Variants in MYRFL observed in about 807,000 individuals in gnomAD.
MYRFL encodes myelin regulatory factor-like protein.
A neutral mutation model predicts 109.4 loss-of-function variants in MYRFL; 88 were observed. The ratio of observed to expected loss-of-function variants is 0.80; its 90% CI spans 0.68 to 0.96. The LOEUF (loss-of-function observed/expected upper bound fraction) is 0.96. Among genes scored for constraint, MYRFL ranks in the 40% least tolerant of loss-of-function variants. MYRFL has a pLI of 0.00. For synonymous variants in MYRFL, 324 were observed against 320.9 expected (o/e 1.01, Z -0.10); for missense variants, 957 against 954.9 (o/e 1.00, Z -0.03).
At chr12:69,887,011 CAG>C in intron 6 of MYRFL, 41 bp downstream of exon 6, 1 of 1,530,652 alleles carries the variant, frequency 6.5e-7, no homozygotes. Context: ...GGGAGAAAGA[CAG>C]TGCTAAATCT....
chr12:69,840,282 G>C (rs1260412694), intron 1 of MYRFL, among the ~76,000 whole-genome samples: 2 of 152,170 alleles, frequency 1.3e-5, no homozygotes, highest in African/African-American at 2.4e-5. Context: ...TATTGAGAAG[G>C]ATGCGAGCAG....
At chr12:69,945,652 C>CA (rs1431545007) in intron 19 of MYRFL, among the ~76,000 whole-genome samples, 1 of 152,088 alleles carries the variant, frequency 6.6e-6, no homozygotes, top group Non-Finnish European at 1.5e-5. Flanking sequence ...TAAACCAGAT[C>CA]AAGGCTCGTT....
intron 17 of MYRFL, 45 bp from the exon 18 acceptor site, chr12:69,936,237 AT>A: frequency 6.5e-7 from 1 of 1,535,546 alleles, no homozygotes; most frequent in Non-Finnish European, 8.7e-7. Flanking sequence ...GGAGAGAAGG[AT>A]TTTTGCAGCC....
At chr12:69,935,388 A>AGAT (rs1955415445) in intron 16 of MYRFL, among the ~76,000 whole-genome samples, 1 of 151,862 alleles carries the variant, frequency 6.6e-6, no homozygotes, top group Admixed American at 6.5e-5. Flanking sequence ...AGGGTTCTGA[A>AGAT]GATGTCCCCC....
chr12:69,870,178 G>A (rs1314821807), intron 2 of MYRFL, among the ~76,000 whole-genome samples: 2 of 132,260 alleles, frequency 1.5e-5, no homozygotes, highest in East Asian at 2.2e-4. Context: ...TTGAGATCTC[G>A]GCTCACTGCA....
intron 11 of MYRFL, 151 bp from the exon 12 acceptor site, chr12:69,909,818 T>C (rs1954495707): frequency 3.2e-6 from 2 of 620,554 alleles, no homozygotes; most frequent in Non-Finnish European, 5.4e-6. Flanking sequence ...GGGCCAGCAG[T>C]TGGGTAATCC....
intron 2 of MYRFL, among the ~76,000 whole-genome samples, chr12:69,876,181 A>T (rs1246471588): frequency 2.6e-5 from 4 of 152,150 alleles, no homozygotes; most frequent in African/African-American, 7.2e-5. Flanking sequence ...TTTTCTGGTT[A>T]TTCAGGCCAG....
intron 19 of MYRFL, among the ~76,000 whole-genome samples, chr12:69,943,170 TG>T (rs1260468110): frequency 1.3e-5 from 2 of 151,712 alleles, no homozygotes; most frequent in African/African-American, 4.9e-5. Context: ...TTCACAGAAT[TG>T]GAAAAAACTA....
At chr12:69,911,326 A>C (rs1196611463) in intron 13 of MYRFL, among the ~76,000 whole-genome samples, 1 of 152,236 alleles carries the variant, frequency 6.6e-6, no homozygotes, top group East Asian at 1.9e-4. Flanking sequence ...ATTATATTTT[A>C]GGTAATGCAA....
intron 1 of MYRFL, among the ~76,000 whole-genome samples, chr12:69,832,270 A>G (rs955825904): frequency 5.3e-5 from 8 of 152,114 alleles, no homozygotes; most frequent in African/African-American, 1.9e-4. Context: ...TTAGTTGGCT[A>G]TGACAAGAAT....
intron 2 of MYRFL, among the ~76,000 whole-genome samples, chr12:69,855,772 C>G (rs145998171): frequency 3.5e-4 from 53 of 151,652 alleles, no homozygotes; most frequent in African/African-American, 1.2e-3. Flanking sequence ...TTCTTGATGT[C>G]AGTAACTTGT....
chr12:69,952,067 TCTC>T (rs752146608), intron 19 of MYRFL, 43 bp from the exon 20 acceptor site: 3 of 1,512,142 alleles, frequency 2.0e-6, no homozygotes, highest in South Asian at 1.2e-5. Flanking sequence ...TTTCTTCTCT[TCTC>T]CTGAACAAGC....
intron 6 of MYRFL, among the ~76,000 whole-genome samples, chr12:69,888,820 T>G (rs1886614445): frequency 6.6e-6 from 1 of 152,218 alleles, no homozygotes; most frequent in Non-Finnish European, 1.5e-5. Context: ...ATCTAGCCTT[T>G]AGATGAACAA....
In MYRFL at chr12:69,872,507, T is replaced by A. The variant is rs1028391197; in HGVS notation, c.138-6521T>A. 5.0e-4 allele frequency among the ~76,000 whole-genome samples: 74 copies of A among 147,408 alleles called. 1 individual carries two copies. The highest frequency in any genetic ancestry group is 1.2e-3 in the Admixed American group (17 of 14,742). On this transcript the variant is annotated intron_variant, in intron 2 of 24. Coordinates refer to ENST00000552032, the MANE Select transcript of MYRFL (RefSeq NM_182530.3). Reference sequence around the variant, plus strand: ...CCTGGCTAATCTTAAATAAAAAAAATTTTTTTTTTTTGAGATGGAGTCTCG... The same window carrying A: ...CCTGGCTAATCTTAAATAAAAAAAAATTTTTTTTTTTGAGATGGAGTCTCG...
At chr12:69,828,255 A>G (rs925223338) in intron 1 of MYRFL, among the ~76,000 whole-genome samples, 1 of 152,100 alleles carries the variant, frequency 6.6e-6, no homozygotes, top group Non-Finnish European at 1.5e-5. Context: ...AATTGCAGGT[A>G]ACTGATATCG....
rs749667149 is a variant in MYRFL at position 69,957,941 on chromosome 12, A to G, written c.2570A>G (p.Gln857Arg). The G allele has an allele frequency of 2.5e-5, 39 of 1,530,750 alleles. No homozygotes were observed. Among genetic ancestry groups the G allele is most frequent in the Non-Finnish European group, 3.2e-5 (37 of 1,142,742 alleles). 94.8% of individuals were successfully genotyped at this position (1,530,750 alleles called of 1,614,324 possible). Residue 857 changes from glutamine (Q) to arginine (R), a missense_variant and splice_region_variant, in exon 23 of 25, where the codon CAG (glutamine) becomes CGG (arginine). Coordinates refer to ENST00000552032, the MANE Select transcript of MYRFL (RefSeq NM_182530.3). ...SHREISQEMT[Q>R]GYQHIWSLPV... Reference sequence around the variant, plus strand: ...AGAGAAATCTCCCAGGAGATGACACAGGTAATGTTTTCTGCCTCCTCTCTT... The same window carrying G: ...AGAGAAATCTCCCAGGAGATGACACGGGTAATGTTTTCTGCCTCCTCTCTT...
intron 19 of MYRFL, among the ~76,000 whole-genome samples, chr12:69,940,360 G>GAAAC (rs1955604923): frequency 6.6e-6 from 1 of 151,082 alleles, no homozygotes; most frequent in African/African-American, 2.4e-5. Context: ...TCTCTCGGCA[G>GAAAC]AAACACTACA....
chr12:69,841,773 A>G (rs1489382055), intron 1 of MYRFL, among the ~76,000 whole-genome samples: 1 of 152,178 alleles, frequency 6.6e-6, no homozygotes, highest in Non-Finnish European at 1.5e-5. Context: ...TTGTCACATT[A>G]TCTTGCTATG....
chr12:69,834,629 T>C (rs1312055848), intron 1 of MYRFL, among the ~76,000 whole-genome samples: 1 of 152,204 alleles, frequency 6.6e-6, no homozygotes, highest in Non-Finnish European at 1.5e-5. Context: ...AGGAACCAAA[T>C]TGCTTGTTTT....
Sources: gnomAD v4.1 joint callset for allele counts (sites outside exome capture counted in the v4.1 genomes callset) on GRCh38, gnomAD v4.1.1 for gene constraint, MANE v1.5 for transcripts, NCBI Gene and HGNC (gene_info 2026-07-23, HGNC 2026-07-21) for gene names.